The following MAPKBP1 variants were observed in gnomAD, a reference collection of about 807,000 sequenced individuals.
MAPKBP1 encodes mitogen-activated protein kinase-binding protein 1.
A neutral mutation model predicts 170.5 loss-of-function variants in MAPKBP1; 71 were observed. The observed-to-expected ratio is 0.42, with a 90% CI of 0.34 to 0.51. MAPKBP1 has a LOEUF of 0.51. MAPKBP1 is among the 20% of genes least tolerant of loss of function. The pLI, the probability that MAPKBP1 is intolerant of heterozygous loss-of-function variation, is 0.06. For synonymous variants in MAPKBP1, 719 were observed against 757.9 expected, an observed-to-expected ratio of 0.95 and a Z score of 0.84; for missense variants, 1,598 against 1,933.0, an observed-to-expected ratio of 0.83 and a Z score of 3.25.
In MAPKBP1 at chr15:41,818,794, C is replaced by A; in HGVS notation, c.2157-29C>A. ...GCGCTAGCCATTCTACCTGCCCCTCCTTCAGCCAACTGTGTGGCTTTACCC... is the reference window on the plus strand; with the variant it reads ...GCGCTAGCCATTCTACCTGCCCCTCATTCAGCCAACTGTGTGGCTTTACCC... On this transcript the variant is annotated intron_variant, in intron 19 of 30. Coordinates refer to ENST00000457542, the MANE Select transcript of MAPKBP1 (RefSeq NM_014994.3). This position sits in a 1 kb window ranked among gnomAD's most constrained non-coding sequence, Gnocchi z 5.2. The A allele has an allele frequency of 6.2e-7, 1 of 1,611,010 alleles. No individual in the cohort carries two copies. Among genetic ancestry groups the A allele is most frequent in the Non-Finnish European group, 8.5e-7 (1 of 1,177,356 alleles).
At chr15:41,813,347 A>G (rs1345801181) in intron 8 of MAPKBP1, 8 of 1,527,352 alleles carry the variant, frequency 5.2e-6, no homozygotes, top group Non-Finnish European at 7.3e-6. Context: ...ACAGCTTCAC[A>G]GTAAGTGGTG....
Position 41,827,687 on chromosome 15 carries a change from A to C in MAPKBP1, c.*2251A>C. On this transcript the variant is annotated 3_prime_UTR_variant, in exon 31 of 31. Coordinates refer to ENST00000457542, the MANE Select transcript of MAPKBP1 (RefSeq NM_014994.3). ...CCACCGGCAACCGCCGCCCCACTCC[A>C]GATTTGCCCCCGCCTTGTTTTGAAA... 1 of 154,812 alleles carries C rather than the reference A, an allele frequency of 6.5e-6. No individual in the cohort carries two copies. Among genetic ancestry groups the C allele is most frequent in the Non-Finnish European group, 1.4e-5 (1 of 69,728 alleles). The allele number at this position is 154,812 out of a possible 1,614,324, so 9.6% of individuals were successfully genotyped here. A position where few individuals can be genotyped will look rare whatever the true frequency, so the allele number is the denominator to read the frequency against.
chr15:41,816,572 C>T lies in MAPKBP1; in HGVS notation c.1507C>T (p.Gln503Ter). Reference sequence around the variant, plus strand: ...TCATCTTTGCAGGGTGCACGAACTTCAGTCCCTGAGTGAGATGCTGAAGGT... The same window carrying T: ...TCATCTTTGCAGGGTGCACGAACTTTAGTCCCTGAGTGAGATGCTGAAGGT... ...RMGTLRVHEL[Q>*]SLSEMLKVEA... Residue 503 changes from glutamine (Q) to a stop codon, truncating the protein, a stop_gained, in exon 13 of 31, where the codon CAG (glutamine) becomes TAG (stop). Coordinates refer to ENST00000457542, the MANE Select transcript of MAPKBP1 (RefSeq NM_014994.3). LOFTEE classifies it high-confidence loss of function. 6.2e-7 allele frequency: 1 copy of T among 1,614,082 alleles called. No homozygotes were observed. Among genetic ancestry groups the T allele is most frequent in the African/African-American group, 1.3e-5 (1 of 75,060 alleles).
At chr15:41,800,975 T>C (rs913512232) in intron 3 of MAPKBP1, among the ~76,000 whole-genome samples, 3 of 151,896 alleles carry the variant, frequency 2.0e-5, no homozygotes, top group African/African-American at 7.3e-5. Flanking sequence ...GCTCAAGCAG[T>C]CCTCCCGCTT....
chr15:41,814,803 G>A, intron 10 of MAPKBP1, 64 bp downstream of exon 10: 2 of 1,556,266 alleles, frequency 1.3e-6, no homozygotes, highest in East Asian at 2.3e-5. Context: ...TTTGAGGACA[G>A]AAAATAGGGA....
At position 41,820,989 on chromosome 15, in the gene MAPKBP1, G is replaced by A. The variant is rs764991728; in HGVS notation, c.2639G>A (p.Ser880Asn). 2.7e-5 allele frequency: 43 copies of A among 1,614,064 alleles called. No individual in the cohort carries two copies. In the South Asian group the frequency reaches 4.6e-4, roughly 17 times the overall value. Residue 880 changes from serine to asparagine, a missense_variant, in exon 23 of 31, where the codon AGC (serine) becomes AAC (asparagine). Ser to Asn is a conservative substitution (Grantham distance 46). Around this residue, in one of 6 missense-constraint regions of MAPKBP1, gnomAD observed 942 missense variants for 953.2 expected, o/e 0.99. Transcript: ENST00000457542. Reference protein sequence around the residue: ...ETLAPSLQDPSQDSLAIIPSG... With the variant: ...ETLAPSLQDPNQDSLAIIPSG... ...CTGGCCCCAAGCCTGCAGGACCCTA[G>A]CCAGGACTCGCTGGCCATCATCCCA...
In MAPKBP1 at chr15:41,817,786, G is replaced by A. The variant is rs372821195; in HGVS notation, c.1904+51G>A. The A allele has an allele frequency of 9.0e-4, 1,438 of 1,597,642 alleles. No homozygotes were observed. The highest frequency in any genetic ancestry group is 1.1e-3 in the Non-Finnish European group (1,281 of 1,171,874). ...CCCACATTCCTTCATCTCCCTACGGGGTCAGCTCTGTGCAGCTAAGTTCCC... is the reference window on the plus strand; with the variant it reads ...CCCACATTCCTTCATCTCCCTACGGAGTCAGCTCTGTGCAGCTAAGTTCCC... On this transcript the variant is annotated intron_variant, in intron 16 of 30. Coordinates refer to ENST00000457542, the MANE Select transcript of MAPKBP1 (RefSeq NM_014994.3). This position sits in a 1 kb window ranked among gnomAD's most constrained non-coding sequence, Gnocchi z 4.2.
Position 41,775,244 on chromosome 15 carries a change from C to T in MAPKBP1, c.-32C>T. ...TGTTGAGACAAGACCCAGGACTGGG[C>T]CGGGGACTGTCCCAAAGGGTTTCTC... On this transcript the variant is annotated 5_prime_UTR_variant, in exon 2 of 31. Coordinates refer to ENST00000457542, the MANE Select transcript of MAPKBP1 (RefSeq NM_014994.3). 2 of 1,568,456 alleles carry T rather than the reference C, an allele frequency of 1.3e-6. No homozygotes were observed. Among genetic ancestry groups the T allele is most frequent in the Non-Finnish European group, 1.8e-6 (2 of 1,138,928 alleles).
At chr15:41,824,713 G>A in intron 30 of MAPKBP1, 144 bp downstream of exon 30, 1 of 817,162 alleles carries the variant, frequency 1.2e-6, no homozygotes, top group Non-Finnish European at 1.9e-6. Flanking sequence ...CATAGGTGAG[G>A]GGGTTAGAGG....
At chr15:41,804,555 A>G (rs2152075568) in intron 3 of MAPKBP1, among the ~76,000 whole-genome samples, 1 of 152,330 alleles carries the variant, frequency 6.6e-6, no homozygotes, top group Middle Eastern at 3.4e-3. Context: ...GTGCATGCTG[A>G]GACCTGTGTC....
Position 41,799,907 on chromosome 15 carries a change from C to G in MAPKBP1, c.199C>G (p.Pro67Ala), listed in dbSNP as rs530449355. 1 of 1,614,082 alleles carries G rather than the reference C, an allele frequency of 6.2e-7. No homozygotes were observed. The highest frequency in any genetic ancestry group is 2.2e-5 in the East Asian group (1 of 44,882). Residue 67 changes from proline to alanine, a missense_variant, in exon 3 of 31, where the codon CCA (proline) becomes GCA (alanine). Pro to Ala is a conservative substitution (Grantham distance 27). Transcript: ENST00000457542. ...CDPRSGLVAY[P>A]AGCVVVLFNP... Reference sequence around the variant, plus strand: ...CCCCCGATCAGGTTTAGTTGCTTACCCAGCAGGGTAAGTAAGCGCCTTGGA... The same window carrying G: ...CCCCCGATCAGGTTTAGTTGCTTACGCAGCAGGGTAAGTAAGCGCCTTGGA...
intron 12 of MAPKBP1, among the ~76,000 whole-genome samples, chr15:41,816,099 C>A (rs927108184): frequency 6.6e-6 from 1 of 152,146 alleles, no homozygotes; most frequent in Admixed American, 6.5e-5. Flanking sequence ...GAGAAAACAT[C>A]CGACAAACTC....
chr15:41,803,232 TG>T (rs1439904221), intron 3 of MAPKBP1, among the ~76,000 whole-genome samples: 2 of 151,640 alleles, frequency 1.3e-5, no homozygotes, highest in Admixed American at 1.3e-4. Context: ...CTGGCCAACA[TG>T]GTGAAATCTT....
At chr15:41,824,366 A>C in intron 29 of MAPKBP1, 118 bp from the exon 30 acceptor site, 1 of 958,240 alleles carries the variant, frequency 1.0e-6, no homozygotes, top group Non-Finnish European at 1.5e-6. Context: ...GAAGGGACTG[A>C]GGGCAAGTGG....
At chr15:41,782,816 T>TA (rs201221807) in intron 2 of MAPKBP1, among the ~76,000 whole-genome samples, 8 of 149,416 alleles carry the variant, frequency 5.4e-5, no homozygotes, top group East Asian at 3.9e-4. Flanking sequence ...GACAGTTCCT[T>TA]AAAAAAAAAA....
chr15:41,817,454 A>G lies in MAPKBP1; in HGVS notation c.1778A>G (p.Gln593Arg). 6.5e-7 allele frequency: 1 copy of G among 1,543,700 alleles called. No individual in the cohort carries two copies. Residue 593 changes from glutamine (Q) to arginine (R), a missense_variant, in exon 15 of 31, where the codon CAG becomes CGG. Around this residue, in one of 6 missense-constraint regions of MAPKBP1, gnomAD observed 430 missense variants for 617.2 expected, o/e 0.70. Coordinates refer to ENST00000457542, the MANE Select transcript of MAPKBP1 (RefSeq NM_014994.3). This position sits in a 1 kb window ranked among gnomAD's most constrained non-coding sequence, Gnocchi z 4.2. ...ADKSIYFRTAQKSGDGVQFTR... is the reference protein window; with the variant it reads ...ADKSIYFRTARKSGDGVQFTR... ...AAGAGCATCTACTTCCGCACTGCGC[A>G]GAAGGTGAGGGCGCTGGGCTTTCCT...
chr15:41,794,297 CAGTG>C (rs1228491854), intron 2 of MAPKBP1, among the ~76,000 whole-genome samples: 1 of 152,178 alleles, frequency 6.6e-6, no homozygotes, highest in Non-Finnish European at 1.5e-5. Flanking sequence ...ATTGCCAGAT[CAGTG>C]AGTGTCAACC....
chr15:41,783,967 C>T lies in MAPKBP1; in HGVS notation c.114+8578C>T, dbSNP rs527451793. On this transcript the variant is annotated intron_variant, in intron 2 of 30. Coordinates refer to ENST00000457542, the MANE Select transcript of MAPKBP1 (RefSeq NM_014994.3). ...GAGCTTACAGTGAGCCGAGATCGCG[C>T]CACTGCACTCCAGCCTGGGTGACAG... is the stretch of plus-strand genomic sequence containing the variant. Among the ~76,000 whole-genome samples, 6 of 152,144 alleles carry T rather than the reference C, an allele frequency of 3.9e-5. No individual in the cohort carries two copies. In the South Asian group the frequency reaches 1.0e-3, roughly 26 times the overall value.
chr15:41,821,965 T>C lies in MAPKBP1; in HGVS notation c.2886T>C (p.Ser962=). 1 of 1,610,956 alleles carries C rather than the reference T, an allele frequency of 6.2e-7. No individual in the cohort carries two copies. Residue 962 remains serine, a splice_region_variant and synonymous_variant, in exon 25 of 31, where the codon AGT becomes AGC. Transcript: ENST00000457542. ...EPSDNPTMDT[S]EFQVQAPARG... Reference sequence around the variant, plus strand: ...CTTCTCCCTGCTGGAATCCTGACAGTGAGTTCCAAGTGCAGGCTCCAGCCC... The same window carrying C: ...CTTCTCCCTGCTGGAATCCTGACAGCGAGTTCCAAGTGCAGGCTCCAGCCC...
Sources: allele counts gnomAD v4.1 joint callset (sites outside exome capture counted in the v4.1 genomes callset), GRCh38; gene constraint gnomAD v4.1.1; regional missense constraint gnomAD v4.1.1; non-coding constraint Gnocchi (gnomAD v3.1); transcripts MANE v1.5; gene names NCBI Gene and HGNC (gene_info 2026-07-23, HGNC 2026-07-21).